The following FBN1 variants were observed in gnomAD, a reference collection of about 807,000 sequenced individuals.
The protein encoded by FBN1 is fibrillin-1.
In FBN1, 29 loss-of-function variants were observed where a neutral mutation model predicts 365.1. The observed-to-expected ratio is 0.08, with a 90% CI of 0.06 to 0.11. The LOEUF (loss-of-function observed/expected upper bound fraction) is 0.11. Among genes scored for constraint, FBN1 ranks in the 10% least tolerant of loss-of-function variants. FBN1 has a pLI of 1.00. For missense variants in FBN1, 2,476 were observed against 3,703.2 expected, an observed-to-expected ratio of 0.67 and a Z score of 8.60; for synonymous variants, 1,210 against 1,270.5, an observed-to-expected ratio of 0.95 and a Z score of 1.01.
intron 29 of FBN1, 72 bp downstream of exon 29, chr15:48,487,003 A>C (rs976093492): frequency 2.4e-4 from 274 of 1,128,486 alleles, no homozygotes; most frequent in Admixed American, 7.1e-4. Context: ...AATAAAATAA[A>C]ATAACATAAC....
At chr15:48,507,888 A>T (rs984583623) in intron 15 of FBN1, among the ~76,000 whole-genome samples, 3 of 152,154 alleles carry the variant, frequency 2.0e-5, no homozygotes, top group Admixed American at 1.3e-4. Flanking sequence ...GGAGACACTA[A>T]GCACAAATTT....
chr15:48,489,736 T>C (rs1243814986), intron 25 of FBN1, 115 bp downstream of exon 25: 2 of 852,014 alleles, frequency 2.3e-6, no homozygotes, highest in Non-Finnish European at 3.9e-6. Context: ...AATTATATAA[T>C]TCAGAAAGCA....
rs2043337939 is a variant in FBN1, at chr15:48,468,073, T to C, written c.4612A>G (p.Ile1538Val). The C allele has an allele frequency of 1.9e-6, 3 of 1,614,156 alleles. No individual in the cohort carries two copies. The highest frequency in any genetic ancestry group is 2.5e-6 in the Non-Finnish European group (3 of 1,180,018). The change falls in exon 38 of 66, where the codon ATT (isoleucine) becomes GTT (valine). Residue 1538 changes from isoleucine (I) to valine (V), a missense_variant. Physicochemically the swap from Ile to Val is conservative, Grantham distance 29. Coordinates refer to ENST00000316623, the MANE Select transcript of FBN1 (RefSeq NM_000138.5). ...DTRSGNCYLD[I>V]RPRGDNGDTA... ...TCTCCATTGTCTCCTCGAGGTCGAA[T>C]ATCCAAATAGCAATTTCCAGAGCGG...
intron 6 of FBN1, among the ~76,000 whole-genome samples, chr15:48,575,848 G>C (rs1299645940): frequency 3.0e-5 from 4 of 132,340 alleles, no homozygotes; most frequent in Admixed American, 3.0e-4. Flanking sequence ...CACACACCAT[G>C]GAATACTACT....
intron 6 of FBN1, among the ~76,000 whole-genome samples, chr15:48,574,023 G>A (rs2044326460): frequency 6.6e-6 from 1 of 152,236 alleles, no homozygotes; most frequent in Admixed American, 6.5e-5. Context: ...CTGTTCTCAT[G>A]GTGTGGAGCA....
chr15:48,435,778 G>GTATATATATGTATATATGTGTGTGTA (rs1299471206), intron 53 of FBN1, among the ~76,000 whole-genome samples: 1 of 141,320 alleles, frequency 7.1e-6, no homozygotes, highest in African/African-American at 2.7e-5. Context: ...GTATATGTGT[G>GTATATATATGTATATATGTGTGTGTA]TGTGTGTGTG....
At chr15:48,561,610 G>T (rs535643235) in intron 6 of FBN1, among the ~76,000 whole-genome samples, 12 of 152,174 alleles carry the variant, frequency 7.9e-5, no homozygotes, top group Admixed American at 2.6e-4. Flanking sequence ...AAATTTTAAA[G>T]AATCATATTT....
intron 58 of FBN1, among the ~76,000 whole-genome samples, chr15:48,427,297 T>C (rs376473022): frequency 6.6e-6 from 1 of 152,248 alleles, no homozygotes; most frequent in African/African-American, 2.4e-5. Flanking sequence ...GAGTAGCCAA[T>C]TGACTTATAG....
intron 43 of FBN1, among the ~76,000 whole-genome samples, chr15:48,457,178 T>C (rs1461354820): frequency 6.6e-6 from 1 of 152,142 alleles, no homozygotes; most frequent in Admixed American, 6.5e-5. Flanking sequence ...CATGGTCATA[T>C]GGAACTCTGA....
At chr15:48,534,717 T>C (rs1407832530) in intron 7 of FBN1, among the ~76,000 whole-genome samples, 1 of 152,222 alleles carries the variant, frequency 6.6e-6, no homozygotes, top group Non-Finnish European at 1.5e-5. Flanking sequence ...GCTAATGTTT[T>C]TGCGCAAATG....
At chr15:48,474,439 CAAATT>C (rs1008320056) in intron 33 of FBN1, 62 bp from the exon 34 acceptor site, 92 of 1,611,444 alleles carry the variant, frequency 5.7e-5, no homozygotes, top group Admixed American at 3.3e-4. Context: ...CAATAATACA[CAAATT>C]AAAATAACTT....
At chr15:48,520,904 C>A in intron 9 of FBN1, 87 bp from the exon 10 acceptor site, 1 of 1,559,420 alleles carries the variant, frequency 6.4e-7, no homozygotes. Context: ...CTCCATACTT[C>A]ACACTGGGGC....
At chr15:48,615,510 C>T (rs1027003989) in intron 2 of FBN1, among the ~76,000 whole-genome samples, 3 of 151,986 alleles carry the variant, frequency 2.0e-5, no homozygotes, top group Non-Finnish European at 4.4e-5. Context: ...TAGAATCAAT[C>T]TACAGCCAAA....
intron 6 of FBN1, among the ~76,000 whole-genome samples, chr15:48,576,465 CA>C (rs1264126354): frequency 6.6e-6 from 1 of 152,162 alleles, no homozygotes; most frequent in Non-Finnish European, 1.5e-5. Context: ...TTCATTTACC[CA>C]TGGGTTGATC....
chr15:48,412,763 T>C lies in FBN1; in HGVS notation c.8052-20A>G, dbSNP rs939834412. 1.5e-5 allele frequency: 24 copies of C among 1,613,640 alleles called. No individual in the cohort carries two copies. The highest frequency in any genetic ancestry group is 1.7e-4 in the Middle Eastern group (1 of 5,958). The stretch of plus-strand genomic sequence containing the variant: ...CAGTGCCTGCAGCAGAAGGGGAGCA[T>C]AGATGTTTTTCATTAGAATGGGAAG... On this transcript the variant is annotated intron_variant, in intron 64 of 65. Transcript: ENST00000316623.
At chr15:48,412,186 C>T (rs1452282101) in intron 65 of FBN1, among the ~76,000 whole-genome samples, 1 of 152,226 alleles carries the variant, frequency 6.6e-6, no homozygotes, top group Non-Finnish European at 1.5e-5. Flanking sequence ...TGGCTCTTTT[C>T]AGTAGAGGAG....
At chr15:48,434,251 G>C (rs1305612099) in intron 54 of FBN1, among the ~76,000 whole-genome samples, 13 of 152,134 alleles carry the variant, frequency 8.5e-5, no homozygotes, top group Non-Finnish European at 1.5e-5. Context: ...AAAAGAAAAA[G>C]AAAGGGAGTA....
Position 48,463,017 on chromosome 15 carries a change from T to C in FBN1, c.5224+65A>G. 3.3e-6 allele frequency: 5 copies of C among 1,510,448 alleles called. No homozygotes were observed. The South Asian group carries it at 5.6e-5, about 17-fold the overall frequency. 93.6% of individuals were successfully genotyped at this position (1,510,448 alleles called of 1,614,324 possible). On this transcript the variant is annotated intron_variant, in intron 42 of 65. Coordinates refer to ENST00000316623, the MANE Select transcript of FBN1 (RefSeq NM_000138.5). ...CTTTGCTTCCTTCGCTAAGACTGAT[T>C]TCCCCAACAATTCATGGGTAATTTT...
chr15:48,644,195 T>A (rs1890247923), intron 2 of FBN1: 1 of 190,624 alleles, frequency 5.2e-6, no homozygotes, highest in African/African-American at 2.3e-5. Context: ...TCCCTTCCTT[T>A]CCTTGCCCCC....
Sources: allele counts gnomAD v4.1 joint callset (sites outside exome capture counted in the v4.1 genomes callset), GRCh38; gene constraint gnomAD v4.1.1; transcripts MANE v1.5; gene names NCBI Gene and HGNC (gene_info 2026-07-23, HGNC 2026-07-21).